POU6F2: variants seen among roughly 807,000 people sequenced by gnomAD.
The protein encoded by POU6F2 is POU domain, class 6, transcription factor 2.
In POU6F2, 31 loss-of-function variants were observed where a neutral mutation model predicts 71.3. The observed-to-expected ratio is 0.43, with a 90% CI of 0.33 to 0.59. The LOEUF (loss-of-function observed/expected upper bound fraction) is 0.59. Ranked by LOEUF, POU6F2 falls within the 20% of genes least tolerant of loss-of-function variation. The probability of loss-of-function intolerance (pLI) is 0.04; values close to 1 mark genes in which losing one functional copy is unlikely to be tolerated. For missense variants in POU6F2, 783 were observed against 856.8 expected, an observed-to-expected ratio of 0.91 and a Z score of 1.07; for synonymous variants, 347 against 355.7, an observed-to-expected ratio of 0.98 and a Z score of 0.27.
intron 7 of POU6F2, 62 bp from the exon 8 acceptor site, chr7:39,451,471 C>T: frequency 6.8e-7 from 1 of 1,470,358 alleles, no homozygotes. Context: ...ACTTCTGTTC[C>T]CTGGCATTTT....
rs188433296 is a variant in POU6F2, at chr7:39,182,861, C to T, written c.278-21374C>T. Among the ~76,000 whole-genome samples, 249 of 152,220 alleles carry T rather than the reference C, an allele frequency of 1.6e-3. 2 individuals are homozygous for T. The highest frequency in any genetic ancestry group is 2.1e-3 in the Non-Finnish European group (144 of 68,026). On this transcript the variant is annotated intron_variant, in intron 2 of 9. Coordinates refer to ENST00000518318, the MANE Select transcript of POU6F2 (RefSeq NM_001370959.1). Reference sequence around the variant, plus strand: ...TGGTATCAACATCACCATCAGAGTCCGATAGGCACTTTACACTTAGTATGC... The same window carrying T: ...TGGTATCAACATCACCATCAGAGTCTGATAGGCACTTTACACTTAGTATGC...
intron 2 of POU6F2, among the ~76,000 whole-genome samples, chr7:39,165,074 T>C (rs947363987): frequency 3.3e-5 from 5 of 152,336 alleles, no homozygotes; most frequent in African/African-American, 1.2e-4. Flanking sequence ...GATCAATGAT[T>C]ATGTCATGCT....
intron 1 of POU6F2, among the ~76,000 whole-genome samples, chr7:39,001,275 G>C (rs1235991464): frequency 1.3e-5 from 2 of 150,322 alleles, no homozygotes. Flanking sequence ...TTTTTGCATT[G>C]GGTTAGAGTT....
chr7:39,453,848 C>T (rs952460271), intron 8 of POU6F2, among the ~76,000 whole-genome samples: 2 of 152,078 alleles, frequency 1.3e-5, no homozygotes, highest in African/African-American at 2.4e-5. Context: ...CAATTGAAGC[C>T]GGAAACTTCA....
intron 1 of POU6F2, among the ~76,000 whole-genome samples, chr7:39,060,202 C>T (rs1359036502): frequency 3.3e-5 from 5 of 150,510 alleles, no homozygotes; most frequent in African/African-American, 7.3e-5. Context: ...AGCAAAATTC[C>T]GTCTCAAAAA....
At chr7:39,203,998 C>T (rs974739807) in intron 2 of POU6F2, among the ~76,000 whole-genome samples, 10 of 152,172 alleles carry the variant, frequency 6.6e-5, no homozygotes, top group Non-Finnish European at 1.3e-4. Flanking sequence ...ATACAACACA[C>T]TGGCATACTC....
intron 4 of POU6F2, among the ~76,000 whole-genome samples, chr7:39,309,348 T>A (rs1197161868): frequency 1.3e-5 from 2 of 152,236 alleles, no homozygotes; most frequent in African/African-American, 4.8e-5. Context: ...CTGTCCTCTC[T>A]CTTCCCTCTT....
chr7:39,436,738 AAT>A (rs1788254297), intron 7 of POU6F2, among the ~76,000 whole-genome samples: 1 of 152,180 alleles, frequency 6.6e-6, no homozygotes, highest in Non-Finnish European at 1.5e-5. Flanking sequence ...TTGCCCATTC[AAT>A]ATTATATTGG....
At chr7:39,089,776 G>T (rs1791325226) in intron 2 of POU6F2, among the ~76,000 whole-genome samples, 1 of 152,194 alleles carries the variant, frequency 6.6e-6, no homozygotes, top group Admixed American at 6.5e-5. Flanking sequence ...CTCAGCCGAA[G>T]AAGTGAGATC....
At chr7:39,236,257 T>C (rs917903707) in intron 4 of POU6F2, among the ~76,000 whole-genome samples, 1 of 152,162 alleles carries the variant, frequency 6.6e-6, no homozygotes, top group African/African-American at 2.4e-5. Flanking sequence ...AATGGATGCA[T>C]TCAAGGTTAA....
chr7:39,331,504 T>C (rs970235446), intron 4 of POU6F2, among the ~76,000 whole-genome samples: 1 of 152,032 alleles, frequency 6.6e-6, no homozygotes, highest in African/African-American at 2.4e-5. Flanking sequence ...TTGTTTTGTT[T>C]TGTTTTGTTG....
intron 1 of POU6F2, among the ~76,000 whole-genome samples, chr7:39,064,624 T>G (rs2128716699): frequency 6.6e-6 from 1 of 151,962 alleles, no homozygotes; most frequent in Non-Finnish European, 1.5e-5. Context: ...ATATATTAAT[T>G]ATGGCAATAA....
At chr7:39,106,634 TTTAAAA>T (rs1791693894) in intron 2 of POU6F2, among the ~76,000 whole-genome samples, 1 of 152,274 alleles carries the variant, frequency 6.6e-6, no homozygotes, top group South Asian at 2.1e-4. Flanking sequence ...GTTTCCAATG[TTTAAAA>T]TTGAACATTT....
intron 1 of POU6F2, 145 bp from the exon 2 acceptor site, chr7:39,085,715 G>A: frequency 2.4e-6 from 2 of 820,706 alleles, no homozygotes; most frequent in South Asian, 1.7e-5. Flanking sequence ...AACAGCGGGA[G>A]CAGCCAGAGA....
At chr7:39,208,607 C>T (rs1794072656) in intron 4 of POU6F2, among the ~76,000 whole-genome samples, 1 of 152,228 alleles carries the variant, frequency 6.6e-6, no homozygotes, top group African/African-American at 2.4e-5. Flanking sequence ...ACCCAAACTT[C>T]TTTCCGTTCT....
At chr7:39,016,726 A>G (rs190600012) in intron 1 of POU6F2, among the ~76,000 whole-genome samples, 4 of 152,222 alleles carry the variant, frequency 2.6e-5, no homozygotes, top group African/African-American at 4.8e-5. Context: ...TATATCAGGG[A>G]GGTGAGATTG....
At chr7:39,204,411 A>ACTCATT in intron 3 of POU6F2, 85 bp downstream of exon 3, 1 of 1,142,030 alleles carries the variant, frequency 8.8e-7, no homozygotes, top group Non-Finnish European at 1.2e-6. Flanking sequence ...TAATGAGTTA[A>ACTCATT]ATCCAATTGA....
rs1235667328 is a variant in POU6F2 at position 39,433,076 on chromosome 7, G to GCTCCTC, written c.1114-1_1114insCTCCTC (p.Gln371_Ile372insLeuLeu). ...TCCTCACCTTTGGCCCTCTCTTGCA[G>GCTCCTC]ATTATCGGGACCATTCCACTGATGC... On this transcript the variant is annotated inframe_insertion and splice_region_variant. Coordinates refer to ENST00000518318, the MANE Select transcript of POU6F2 (RefSeq NM_001370959.1). The GCTCCTC allele has an allele frequency of 6.2e-7, 1 of 1,612,498 alleles. No individual in the cohort carries two copies. Among genetic ancestry groups the GCTCCTC allele is most frequent in the Non-Finnish European group, 8.5e-7 (1 of 1,179,094 alleles).
At chr7:39,437,063 A>C (rs1788262658) in intron 7 of POU6F2, among the ~76,000 whole-genome samples, 1 of 152,082 alleles carries the variant, frequency 6.6e-6, no homozygotes, top group African/African-American at 2.4e-5. Flanking sequence ...GTTCATCAGG[A>C]ATATTGGCCT....
Sources: gnomAD v4.1 joint callset for allele counts (sites outside exome capture counted in the v4.1 genomes callset) on GRCh38, gnomAD v4.1.1 for gene constraint, MANE v1.5 for transcripts, NCBI Gene and HGNC (gene_info 2026-07-23, HGNC 2026-07-21) for gene names.